The following PRKCA variants were observed in gnomAD, a reference collection of about 807,000 sequenced individuals.
PRKCA encodes the protein protein kinase C alpha.
A neutral mutation model predicts 87.0 loss-of-function variants in PRKCA; 27 were observed. The ratio of observed to expected loss-of-function variants is 0.31; its 90% CI spans 0.23 to 0.43. The LOEUF is 0.43. PRKCA is among the 20% of genes least tolerant of loss of function. The probability of loss-of-function intolerance (pLI) is 1.00; values close to 1 mark genes in which losing one functional copy is unlikely to be tolerated. For synonymous variants in PRKCA, 329 were observed against 311.1 expected (o/e 1.06, Z -0.61); for missense variants, 518 against 852.3 (o/e 0.61, Z 4.88).
At chr17:66,476,635 A>G (rs1297092716) in intron 2 of PRKCA, among the ~76,000 whole-genome samples, 1 of 152,216 alleles carries the variant, frequency 6.6e-6, no homozygotes, top group East Asian at 1.9e-4. Flanking sequence ...GTAAATAAAG[A>G]GGAAACTTCT....
At chr17:66,378,668 G>A (rs1399868321) in intron 2 of PRKCA, among the ~76,000 whole-genome samples, 2 of 152,160 alleles carry the variant, frequency 1.3e-5, no homozygotes, top group Admixed American at 6.5e-5. Flanking sequence ...GGGAGACCAA[G>A]GCGGGCAAAT....
At chr17:66,713,788 C>T (rs944536653) in intron 8 of PRKCA, among the ~76,000 whole-genome samples, 12 of 152,090 alleles carry the variant, frequency 7.9e-5, no homozygotes, top group East Asian at 1.9e-4. Context: ...ACACTCAGTC[C>T]GAGTCTGGCC....
chr17:66,591,318 A>G lies in PRKCA; in HGVS notation c.289-50037A>G, dbSNP rs935007612. On this transcript the variant is annotated intron_variant, in intron 3 of 16. Coordinates refer to ENST00000413366, the MANE Select transcript of PRKCA (RefSeq NM_002737.3). ...CAGGCGTGCACCACCATGCCCAGCT[A>G]ATTTTTTTTTTTTTTATTTTAGTAG... Among the ~76,000 whole-genome samples the G allele has an allele frequency of 5.9e-5, 8 of 135,654 alleles. 1 individual carries two copies. The highest frequency in any genetic ancestry group is 2.2e-4 in the African/African-American group (8 of 36,804). 89.0% of individuals were successfully genotyped at this position (135,654 alleles called of 152,430 possible). A position where few individuals can be genotyped will look rare whatever the true frequency, so the allele number is the denominator to read the frequency against.
intron 3 of PRKCA, among the ~76,000 whole-genome samples, chr17:66,532,610 C>T (rs1257183055): frequency 1.3e-5 from 2 of 152,072 alleles, no homozygotes; most frequent in Admixed American, 1.3e-4. Flanking sequence ...CCGCCCACCT[C>T]GGCCTCCCAG....
At chr17:66,344,991 T>C (rs1027854762) in intron 2 of PRKCA, among the ~76,000 whole-genome samples, 10 of 152,206 alleles carry the variant, frequency 6.6e-5, no homozygotes, top group Admixed American at 3.9e-4. Flanking sequence ...AATATACCTA[T>C]TGCAGTATGA....
chr17:66,795,819 C>T (rs1975652659), intron 16 of PRKCA, among the ~76,000 whole-genome samples: 1 of 152,162 alleles, frequency 6.6e-6, no homozygotes, highest in South Asian at 2.1e-4. Context: ...AAATGGAGTA[C>T]ATGTTTTTAT....
intron 8 of PRKCA, among the ~76,000 whole-genome samples, chr17:66,696,970 G>T (rs772852516): frequency 6.6e-6 from 1 of 152,068 alleles, no homozygotes; most frequent in Non-Finnish European, 1.5e-5. Flanking sequence ...TGACTCCGCC[G>T]TAAGCATCTG....
intron 3 of PRKCA, among the ~76,000 whole-genome samples, chr17:66,563,834 T>C (rs1968789008): frequency 6.6e-6 from 1 of 152,244 alleles, no homozygotes; most frequent in Admixed American, 6.5e-5. Flanking sequence ...ATTTCAGACT[T>C]AGTATAAACA....
chr17:66,559,064 T>G (rs987676953), intron 3 of PRKCA, among the ~76,000 whole-genome samples: 1 of 152,182 alleles, frequency 6.6e-6, no homozygotes, highest in African/African-American at 2.4e-5. Flanking sequence ...GTGGAACTGT[T>G]TGGACAGTAC....
At chr17:66,544,808 G>A (rs952679997) in intron 3 of PRKCA, among the ~76,000 whole-genome samples, 1 of 151,890 alleles carries the variant, frequency 6.6e-6, no homozygotes, top group Non-Finnish European at 1.5e-5. Flanking sequence ...GGTCAGGCAG[G>A]TTTCAAACTC....
chr17:66,518,737 C>CG (rs1967056017), intron 3 of PRKCA, among the ~76,000 whole-genome samples: 1 of 152,116 alleles, frequency 6.6e-6, no homozygotes, highest in South Asian at 2.1e-4. Context: ...AAATCTAATG[C>CG]CCAGAAAATT....
intron 2 of PRKCA, among the ~76,000 whole-genome samples, chr17:66,316,345 A>AAGATACAG (rs1567768437): frequency 5.3e-5 from 8 of 152,088 alleles, no homozygotes; most frequent in African/African-American, 1.9e-4. Flanking sequence ...CAAAGTTACA[A>AAGATACAG]ATACAGAGAT....
At chr17:66,730,573 A>T (rs992801995) in intron 8 of PRKCA, among the ~76,000 whole-genome samples, 1 of 152,184 alleles carries the variant, frequency 6.6e-6, no homozygotes, top group Non-Finnish European at 1.5e-5. Context: ...TTGCCATGAC[A>T]TTTGTAAACT....
chr17:66,728,661 C>T (rs537950474), intron 8 of PRKCA, among the ~76,000 whole-genome samples: 8 of 152,292 alleles, frequency 5.3e-5, no homozygotes, highest in Admixed American at 3.3e-4. Context: ...CTCACAAGGC[C>T]GTCGTTAGGT....
intron 8 of PRKCA, among the ~76,000 whole-genome samples, chr17:66,705,867 A>G (rs915831840): frequency 1.3e-5 from 2 of 152,214 alleles, no homozygotes; most frequent in Non-Finnish European, 2.9e-5. Context: ...AAATTAAGGG[A>G]CCTAGAATAA....
intron 3 of PRKCA, among the ~76,000 whole-genome samples, chr17:66,523,285 C>T (rs1598739969): frequency 1.3e-5 from 2 of 152,226 alleles, no homozygotes; most frequent in East Asian, 1.9e-4. Flanking sequence ...CCAGTTCCTC[C>T]CCGAAATTCA....
At chr17:66,619,114 G>A (rs1970599304) in intron 3 of PRKCA, among the ~76,000 whole-genome samples, 1 of 152,118 alleles carries the variant, frequency 6.6e-6, no homozygotes, top group Non-Finnish European at 1.5e-5. Context: ...ATCCAAGTCA[G>A]CTGGAGAAGC....
At chr17:66,716,153 G>GTT (rs546895949) in intron 8 of PRKCA, among the ~76,000 whole-genome samples, 6 of 145,734 alleles carry the variant, frequency 4.1e-5, no homozygotes, top group Non-Finnish European at 6.1e-5. Context: ...ATCTCCCCGG[G>GTT]TTTTTTTTTT....
chr17:66,620,475 T>C (rs1318043409), intron 3 of PRKCA, among the ~76,000 whole-genome samples: 2 of 152,192 alleles, frequency 1.3e-5, no homozygotes, highest in Non-Finnish European at 2.9e-5. Flanking sequence ...TGTTGAGATC[T>C]GACTGGCCAG....
Sources: allele counts gnomAD v4.1 joint callset (sites outside exome capture counted in the v4.1 genomes callset), GRCh38; gene constraint gnomAD v4.1.1; transcripts MANE v1.5; gene names NCBI Gene and HGNC (gene_info 2026-07-23, HGNC 2026-07-21).